FTCD: variants seen among roughly 807,000 people sequenced by gnomAD.
The protein encoded by FTCD is formimidoyltransferase cyclodeaminase.
Under a neutral mutation model 62.9 loss-of-function variants are expected in FTCD, and 76 were observed. That is an observed-to-expected ratio of 1.21 (90% CI 1.00 to 1.46). FTCD has a LOEUF of 1.46. Ranked by LOEUF, FTCD falls within the 40% of genes most tolerant of loss-of-function variation. The pLI is 0.00. For synonymous variants in FTCD, 397 were observed against 336.9 expected (o/e 1.18, Z -1.95); for missense variants, 845 against 751.3 (o/e 1.12, Z -1.46).
chr21:46,138,961 T>C (rs1429544496), intron 10 of FTCD, 38 bp from the exon 11 acceptor site: 1 of 1,552,672 alleles, frequency 6.4e-7, no homozygotes. Flanking sequence ...CGAGGGACCG[T>C]AGGGGGAGCA....
At position 46,138,942 on chromosome 21, in the gene FTCD, A is replaced by C. The variant is rs760892016; in HGVS notation, c.1261-19T>G. ...TTGCTTCCTGCCATAAAGAGACAGA[A>C]CCACTGGGCGAGGGACCGTAGGGGG... is the stretch of plus-strand genomic sequence containing the variant. On this transcript the variant is annotated intron_variant, in intron 10 of 13. Coordinates refer to ENST00000397746, the MANE Select transcript of FTCD (RefSeq NM_206965.2). The C allele has an allele frequency of 2.4e-5, 39 of 1,606,698 alleles. No homozygotes were observed. The Middle Eastern group carries it at 4.9e-4, about 20-fold the overall frequency.
chr21:46,152,341 C>G (rs760670623), intron 3 of FTCD: 1 of 251,954 alleles, frequency 4.0e-6, no homozygotes, highest in Non-Finnish European at 7.6e-6. Flanking sequence ...AGGAAAAACT[C>G]GTGAACCCGC....
At chr21:46,137,105 G>T (rs1205250596) in intron 13 of FTCD, 32 bp from the exon 14 acceptor site, 1 of 1,613,336 alleles carries the variant, frequency 6.2e-7, no homozygotes. Context: ...GGGTCTGGTA[G>T]TTCCAGTCTT....
chr21:46,153,497 G>A (rs2123580060), intron 2 of FTCD, among the ~76,000 whole-genome samples: 1 of 152,336 alleles, frequency 6.6e-6, no homozygotes, highest in African/African-American at 2.4e-5. Flanking sequence ...TGCGTTTCCA[G>A]AGCATTCTTC....
At chr21:46,150,018 G>T in intron 7 of FTCD, 101 bp downstream of exon 7, 1 of 1,088,032 alleles carries the variant, frequency 9.2e-7, no homozygotes, top group Non-Finnish European at 1.4e-6. Flanking sequence ...GAAGGGGGAG[G>T]AGGGGGAGGG....
intron 7 of FTCD, among the ~76,000 whole-genome samples, 184 bp downstream of exon 7, chr21:46,149,935 T>TGTG: frequency 6.6e-6 from 1 of 151,306 alleles, no homozygotes; most frequent in African/African-American, 2.4e-5. Flanking sequence ...ATATCATAGG[T>TGTG]CACAAAAAAA....
At chr21:46,153,097 G>A in intron 2 of FTCD, 62 bp from the exon 3 acceptor site, 2 of 1,506,506 alleles carry the variant, frequency 1.3e-6, no homozygotes. Context: ...GAGCTCCACG[G>A]GGTTCTCGGA....
chr21:46,144,207 A>G (rs2079075543), intron 10 of FTCD, among the ~76,000 whole-genome samples: 2 of 151,456 alleles, frequency 1.3e-5, no homozygotes, highest in South Asian at 4.2e-4. Context: ...GCAGCCAGGC[A>G]TTCAGGGCCA....
chr21:46,147,791 A>T (rs535427737), intron 7 of FTCD, among the ~76,000 whole-genome samples: 1 of 152,088 alleles, frequency 6.6e-6, no homozygotes, highest in African/African-American at 2.4e-5. Context: ...AAAAAATACA[A>T]AAATTAGCCA....
intron 2 of FTCD, 34 bp from the exon 3 acceptor site, chr21:46,153,069 A>C: frequency 6.5e-7 from 1 of 1,537,744 alleles, no homozygotes; most frequent in South Asian, 1.2e-5. Flanking sequence ...GCAGGAGGCC[A>C]GGTGTGGGAG....
At chr21:46,152,855 C>A (rs554903824) in intron 3 of FTCD, 52 bp downstream of exon 3, 7 of 1,481,036 alleles carry the variant, frequency 4.7e-6, no homozygotes, top group Non-Finnish European at 6.4e-6. Flanking sequence ...GAGCCAATAA[C>A]CCACACCAAT....
rs2079231978 is a variant in FTCD at position 46,150,128 on chromosome 21, C to T, written c.897G>A (p.Arg299=). ...CGGCAGCCCGGCCCACCAGCCTGAT[C>T]CGCTGCTCCTCCTCCAGGATGAAGA... ...ENLFILEEEQ[R]IRLVVSRLGL... Residue 299 remains arginine (R), a synonymous_variant, in exon 7 of 14, where the codon CGG becomes CGA. Coordinates refer to ENST00000397746, the MANE Select transcript of FTCD (RefSeq NM_206965.2). The T allele has an allele frequency of 6.7e-7, 1 of 1,491,672 alleles. No individual in the cohort carries two copies. Among genetic ancestry groups the T allele is most frequent in the Non-Finnish European group, 9.1e-7 (1 of 1,103,462 alleles). 92.4% of individuals were successfully genotyped at this position (1,491,672 alleles called of 1,614,324 possible).
rs576045274 is a variant in FTCD at position 46,136,947 on chromosome 21, G to C, written c.*40C>G. The C allele has an allele frequency of 1.2e-6, 2 of 1,612,372 alleles. No homozygotes were observed. The highest frequency in any genetic ancestry group is 1.7e-6 in the Non-Finnish European group (2 of 1,179,782). On this transcript the variant is annotated 3_prime_UTR_variant, in exon 14 of 14. Transcript: ENST00000397746. ...ACAGCTCTGCCCTCTGGGGATGGGCGAGGGAGGGGCCACAGAGCCCGGAGA... is the reference window on the plus strand; with the variant it reads ...ACAGCTCTGCCCTCTGGGGATGGGCCAGGGAGGGGCCACAGAGCCCGGAGA...
intron 11 of FTCD, 58 bp downstream of exon 11, chr21:46,138,822 C>T: frequency 6.6e-7 from 1 of 1,516,366 alleles, no homozygotes; most frequent in Non-Finnish European, 9.2e-7. Context: ...ACTCGGGATC[C>T]TGGCCACCAA....
rs767156404 is a variant in FTCD, at chr21:46,138,661, A to G, written c.1305-15T>C. 12 of 1,596,232 alleles carry G rather than the reference A, an allele frequency of 7.5e-6. No homozygotes were observed. In the Admixed American group the frequency reaches 2.0e-4, roughly 27 times the overall value. ...CCGCCGTGCGCCTGAAAGGAGCAAG[A>G]GGAGAGCCTGAGCACAGCGGCACAC... is the stretch of plus-strand genomic sequence containing the variant. On this transcript the variant is annotated splice_polypyrimidine_tract_variant and intron_variant, in intron 11 of 13. Coordinates refer to ENST00000397746, the MANE Select transcript of FTCD (RefSeq NM_206965.2).
In FTCD at chr21:46,145,853, C is replaced by T. The variant is rs1207247550; in HGVS notation, c.1063G>A (p.Gly355Arg). ...GCGGCCGCCGCCACCGAGCCGCCCC[C>T]GGGGGCCGCAGAGCGGGCACCCACC... ...GEVGARSAAP[G>R]GGSVAAAAAA... is the part of the protein sequence containing the mutation. Residue 355 changes from glycine (G) to arginine (R), a missense_variant, in exon 9 of 14, where the codon GGG becomes AGG. Transcript: ENST00000397746. The T allele has an allele frequency of 2.9e-6, 4 of 1,377,802 alleles. No individual in the cohort carries two copies. Among genetic ancestry groups the T allele is most frequent in the Non-Finnish European group, 3.8e-6 (4 of 1,059,688 alleles). 85.3% of individuals were successfully genotyped at this position (1,377,802 alleles called of 1,614,324 possible).
chr21:46,154,181 GC>G lies in FTCD; in HGVS notation c.205del (p.Ala69LeufsTer7). On this transcript the variant is annotated frameshift_variant, in exon 2 of 14. Transcript: ENST00000397746. LOFTEE classifies it high-confidence loss of function. Reference protein sequence around the residue: ...VEGALNAARVASRLIDMSRHQ... With the variant: ...VEGALNAARVXSRLIDMSRHQ... ...CCTGCTCATGTCGATAAGTCGGGAA[GC>G]TACCCGGGCAGCGTTGAGGGCCCCC... The G allele has an allele frequency of 6.2e-7, 1 of 1,612,850 alleles. No homozygotes were observed. The highest frequency in any genetic ancestry group is 8.5e-7 in the Non-Finnish European group (1 of 1,179,992).
In FTCD at chr21:46,146,268, G is replaced by A; in HGVS notation, c.966C>T (p.Ile322=). The A allele has an allele frequency of 1.9e-6, 3 of 1,597,462 alleles. No individual in the cohort carries two copies. The highest frequency in any genetic ancestry group is 2.6e-6 in the Non-Finnish European group (3 of 1,169,760). The change falls in exon 8 of 14, where the codon ATC becomes ATT. Residue 322 remains isoleucine, a splice_region_variant and synonymous_variant. Transcript: ENST00000397746. The part of the protein sequence containing the change: ...LCPFSPKERI[I]EYLVPERGPE... The stretch of plus-strand genomic sequence containing the variant: ...AGGGCGGGAGGGCAGAGGCTCACTC[G>A]ATGATCCGCTCCTTAGGGCTGAAGG...
intron 7 of FTCD, 49 bp from the exon 8 acceptor site, chr21:46,146,376 C>T (rs1232618472): frequency 7.5e-7 from 1 of 1,328,682 alleles, no homozygotes; most frequent in Admixed American, 1.9e-5. Flanking sequence ...TCTCCACCAC[C>T]AGGAAAGCCT....
Sources: allele counts gnomAD v4.1 joint callset (sites outside exome capture counted in the v4.1 genomes callset), GRCh38; gene constraint gnomAD v4.1.1; transcripts MANE v1.5; gene names NCBI Gene and HGNC (gene_info 2026-07-23, HGNC 2026-07-21).